The following TRDN variants were observed in gnomAD, a reference collection of about 807,000 sequenced individuals.
TRDN encodes triadin, also known as triadin in skeletal muscle.
TRDN carries 161 observed loss-of-function variants against 149.7 expected under a neutral mutation model. The observed-to-expected ratio is 1.08, with a 90% CI of 0.95 to 1.23. The LOEUF (loss-of-function observed/expected upper bound fraction) is 1.23, where lower values mean the gene tolerates loss of function less well. Among genes scored for constraint, TRDN ranks in the 50% most tolerant of loss-of-function variants. TRDN has a pLI of 0.00. For missense variants in TRDN, 896 were observed against 823.5 expected, an observed-to-expected ratio of 1.09 and a Z score of -1.08; for synonymous variants, 294 against 250.5, an observed-to-expected ratio of 1.17 and a Z score of -1.64.
At chr6:123,474,451 A>T (rs1010288237) in intron 9 of TRDN, among the ~76,000 whole-genome samples, 5 of 152,034 alleles carry the variant, frequency 3.3e-5, no homozygotes. Flanking sequence ...CTACAAAGAG[A>T]CTTAGACTCC....
intron 7 of TRDN, among the ~76,000 whole-genome samples, chr6:123,511,407 A>G (rs1779176865): frequency 6.6e-6 from 1 of 152,144 alleles, no homozygotes; most frequent in African/African-American, 2.4e-5. Context: ...TTTGATCATT[A>G]TATATTATAT....
At chr6:123,541,404 C>A (rs13328279) in intron 4 of TRDN, among the ~76,000 whole-genome samples, 2,958 of 152,208 alleles carry the variant, frequency 0.019, 92 homozygotes, top group African/African-American at 0.068. Flanking sequence ...AGTCAGTGGG[C>A]TCAGAGTTTA....
chr6:123,510,394 C>T (rs1779116259), intron 7 of TRDN, among the ~76,000 whole-genome samples: 1 of 151,730 alleles, frequency 6.6e-6, no homozygotes, highest in African/African-American at 2.4e-5. Flanking sequence ...AGCTAATTGC[C>T]TAAAATGTAT....
At chr6:123,245,978 TG>T (rs2114555510) in intron 38 of TRDN, among the ~76,000 whole-genome samples, 1 of 152,276 alleles carries the variant, frequency 6.6e-6, no homozygotes, top group African/African-American at 2.4e-5. Context: ...AACCTGCTCC[TG>T]AATGACTACT....
intron 10 of TRDN, among the ~76,000 whole-genome samples, chr6:123,446,363 G>A (rs543360585): frequency 1.3e-5 from 2 of 151,846 alleles, no homozygotes; most frequent in African/African-American, 4.8e-5. Flanking sequence ...ATGTGCACGT[G>A]TACCCTAAAA....
At chr6:123,476,613 G>A (rs1448394805) in intron 9 of TRDN, among the ~76,000 whole-genome samples, 1 of 147,934 alleles carries the variant, frequency 6.8e-6, no homozygotes, top group Admixed American at 6.7e-5. Context: ...TCAATCCTAA[G>A]CCAAAAGAAC....
chr6:123,574,853 T>TAC (rs1782754351), intron 1 of TRDN, among the ~76,000 whole-genome samples: 1 of 35,208 alleles, frequency 2.8e-5, no homozygotes, highest in Non-Finnish European at 6.5e-5. Flanking sequence ...TGAATTTATA[T>TAC]ATACATATAT....
At chr6:123,587,795 G>A (rs143883816) in intron 1 of TRDN, among the ~76,000 whole-genome samples, 1 of 151,088 alleles carries the variant, frequency 6.6e-6, no homozygotes, top group African/African-American at 2.4e-5. Flanking sequence ...GCAGGAGTGG[G>A]GGTCACAAGG....
chr6:123,490,506 G>A (rs1365564847), intron 9 of TRDN, among the ~76,000 whole-genome samples: 1 of 152,168 alleles, frequency 6.6e-6, no homozygotes, highest in Non-Finnish European at 1.5e-5. Flanking sequence ...GTGGTTGACT[G>A]TGGGTTACTG....
intron 9 of TRDN, among the ~76,000 whole-genome samples, chr6:123,469,262 T>C (rs1044329858): frequency 6.6e-6 from 1 of 152,186 alleles, no homozygotes; most frequent in African/African-American, 2.4e-5. Context: ...CATGTGATTG[T>C]GCTAAGGTTG....
chr6:123,489,130 A>G (rs183150797), intron 9 of TRDN, among the ~76,000 whole-genome samples: 2 of 152,238 alleles, frequency 1.3e-5, no homozygotes, highest in East Asian at 1.9e-4. Context: ...CTCAAGGTCT[A>G]TTTCAATTGT....
At chr6:123,372,067 G>A (rs1458255794) in intron 19 of TRDN, among the ~76,000 whole-genome samples, 2 of 152,102 alleles carry the variant, frequency 1.3e-5, no homozygotes, top group Admixed American at 6.6e-5. Flanking sequence ...GGCATGCAGT[G>A]TGTGGTCTAG....
chr6:123,264,675 C>CAA (rs113625483), intron 33 of TRDN, among the ~76,000 whole-genome samples: 2 of 151,446 alleles, frequency 1.3e-5, no homozygotes, highest in African/African-American at 4.9e-5. Flanking sequence ...AATCTTTTGT[C>CAA]AGTCAATCAA....
intron 33 of TRDN, among the ~76,000 whole-genome samples, chr6:123,263,723 T>C (rs1038417095): frequency 6.6e-6 from 1 of 152,046 alleles, no homozygotes; most frequent in Non-Finnish European, 1.5e-5. Context: ...ATATCTGGCT[T>C]CAAAGCTTCA....
Position 123,218,659 on chromosome 6 carries a change from C to T in TRDN, c.2132G>A (p.Arg711His), listed in dbSNP as rs763375903. Reference protein sequence around the residue: ...GFQFPFTPADRPGESSGQANS... With the variant: ...GFQFPFTPADHPGESSGQANS... ...TGCTTGACCAGAGCTCTCTCCAGGG[C>T]GGTCTGCAGGAGTGAAAGGAAACTG... is the stretch of plus-strand genomic sequence containing the variant. Residue 711 changes from arginine (R) to histidine (H), a missense_variant, in exon 41 of 41, where the codon CGC becomes CAC. Arg to His is a conservative substitution (Grantham distance 29). Transcript: ENST00000334268. 2.2e-5 allele frequency: 35 copies of T among 1,610,294 alleles called. No homozygotes were observed. Among genetic ancestry groups the T allele is most frequent in the African/African-American group, 9.4e-5 (7 of 74,726 alleles).
In TRDN at chr6:123,407,056, T is replaced by A. The variant is rs147331654; in HGVS notation, c.1052-13379A>T. Among the ~76,000 whole-genome samples the A allele has an allele frequency of 1.5e-4, 23 of 152,176 alleles. 2 individuals are homozygous for A. Among genetic ancestry groups the A allele is most frequent in the African/African-American group, 5.5e-4 (23 of 41,518 alleles). On this transcript the variant is annotated intron_variant, in intron 12 of 40. Transcript: ENST00000334268. ...GGGGGTGGGGTGGGGGAAATTTTTA[T>A]TTGAATGAAAGTTGGGAGCTTTGAT...
At chr6:123,565,037 G>A (rs781335596) in intron 2 of TRDN, among the ~76,000 whole-genome samples, 1 of 152,126 alleles carries the variant, frequency 6.6e-6, no homozygotes, top group Non-Finnish European at 1.5e-5. Context: ...GCCTTAGTTT[G>A]TAGTCATTTC....
chr6:123,380,111 T>C (rs1314374251), intron 16 of TRDN, among the ~76,000 whole-genome samples: 3 of 152,086 alleles, frequency 2.0e-5, no homozygotes, highest in African/African-American at 7.2e-5. Context: ...AACTGATAGG[T>C]GTTTTGAAGA....
intron 24 of TRDN, among the ~76,000 whole-genome samples, chr6:123,312,355 C>T (rs916411115): frequency 9.9e-5 from 15 of 151,912 alleles, no homozygotes; most frequent in African/African-American, 2.7e-4. Context: ...CCTCCTCCTC[C>T]TCAGCCTACT....
Sources: gnomAD v4.1 joint callset for allele counts (sites outside exome capture counted in the v4.1 genomes callset) on GRCh38, gnomAD v4.1.1 for gene constraint, MANE v1.5 for transcripts, NCBI Gene and HGNC (gene_info 2026-07-23, HGNC 2026-07-21) for gene names.